The following MAN2B1 variants were observed in gnomAD, a reference collection of about 807,000 sequenced individuals.
MAN2B1 encodes lysosomal alpha-mannosidase.
MAN2B1 carries 99 observed loss-of-function variants against 127.5 expected under a neutral mutation model. That is an observed-to-expected ratio of 0.78 (90% confidence interval 0.66 to 0.92). The LOEUF (loss-of-function observed/expected upper bound fraction) is 0.92. MAN2B1 is among the 40% of genes least tolerant of loss of function. The probability of loss-of-function intolerance (pLI) is 0.00; values close to 1 mark genes in which losing one functional copy is unlikely to be tolerated. For synonymous variants in MAN2B1, 573 were observed against 568.8 expected, an observed-to-expected ratio of 1.01 and a Z score of -0.11; for missense variants, 1,304 against 1,384.8, an observed-to-expected ratio of 0.94 and a Z score of 0.93.
At position 12,665,766 on chromosome 19, in the gene MAN2B1, G is replaced by C; in HGVS notation, c.199C>G (p.Leu67Val). The C allele has an allele frequency of 6.2e-7, 1 of 1,614,144 alleles. No homozygotes were observed. The highest frequency in any genetic ancestry group is 1.6e-4 in the Middle Eastern group (1 of 6,062). The change falls in exon 2 of 24, where the codon CTG becomes GTG. Residue 67 changes from leucine to valine, a missense_variant. By Grantham distance (32) the Leu-to-Val change is conservative. Coordinates refer to ENST00000456935, the MANE Select transcript of MAN2B1 (RefSeq NM_000528.4). ...TVQPNMLNVH[L>V]LPHTHDDVGW... ...ACGTCATCATGTGTGTGAGGCAGCA[G>C]GTGCACGTTCAGCATGTTCGGCTGC...
intron 16 of MAN2B1, among the ~76,000 whole-genome samples, 200 bp from the exon 17 acceptor site, chr19:12,650,422 G>A (rs2023816581): frequency 6.8e-6 from 1 of 147,148 alleles, no homozygotes; most frequent in Admixed American, 6.9e-5. Flanking sequence ...GCAGTGGCGC[G>A]ATCTCGGCTC....
At chr19:12,653,787 C>A (rs1426565537) in intron 14 of MAN2B1, among the ~76,000 whole-genome samples, 1 of 151,544 alleles carries the variant, frequency 6.6e-6, no homozygotes, top group Non-Finnish European at 1.5e-5. Flanking sequence ...GGCATGATCT[C>A]GGCTCACTGC....
At chr19:12,661,959 C>T (rs2024117346) in intron 6 of MAN2B1, among the ~76,000 whole-genome samples, 1 of 152,110 alleles carries the variant, frequency 6.6e-6, no homozygotes, top group Admixed American at 6.5e-5. Context: ...ACTCTCTTGC[C>T]TTAGCCTCCC....
intron 12 of MAN2B1, 49 bp from the exon 13 acceptor site, chr19:12,656,736 C>A: frequency 7.3e-7 from 1 of 1,362,008 alleles, no homozygotes; most frequent in Non-Finnish European, 1.1e-6. Flanking sequence ...AGGCCTTCTC[C>A]AAACCCACCC....
chr19:12,665,815 G>A lies in MAN2B1; in HGVS notation c.160-10C>T. The A allele has an allele frequency of 6.2e-7, 1 of 1,608,112 alleles. No homozygotes were observed. The highest frequency in any genetic ancestry group is 8.5e-7 in the Non-Finnish European group (1 of 1,175,424). On this transcript the variant is annotated splice_polypyrimidine_tract_variant and intron_variant, in intron 1 of 23. Coordinates refer to ENST00000456935, the MANE Select transcript of MAN2B1 (RefSeq NM_000528.4). ...GCACTGTGGGGCATGTCTGCACAGG[G>A]ACCCCAAACACACATACCTTGTCAA...
At position 12,650,028 on chromosome 19, in the gene MAN2B1, G is replaced by A. The variant is rs775158789; in HGVS notation, c.2166-14C>T. 2.5e-6 allele frequency: 4 copies of A among 1,612,946 alleles called. No homozygotes were observed. The African/African-American group carries it at 5.3e-5, about 22-fold the overall frequency. On this transcript the variant is annotated splice_polypyrimidine_tract_variant and intron_variant, in intron 17 of 23. Transcript: ENST00000456935. ...CCCCAGGTGTCGCTGTACCCAATGG[G>A]ATGGCAAGGTTGTGAGCCTTGGATA...
chr19:12,653,425 G>A (rs970467518), intron 14 of MAN2B1, among the ~76,000 whole-genome samples: 8 of 151,880 alleles, frequency 5.3e-5, no homozygotes, highest in African/African-American at 1.7e-4. Context: ...GGGATTACAG[G>A]CATGAGCCAA....
chr19:12,650,203 A>T lies in MAN2B1; in HGVS notation c.2066T>A (p.Val689Glu). 4.3e-6 allele frequency: 7 copies of T among 1,613,076 alleles called. No individual in the cohort carries two copies. Among genetic ancestry groups the T allele is most frequent in the Non-Finnish European group, 5.9e-6 (7 of 1,179,504 alleles). The change falls in exon 17 of 24, where the codon GTG becomes GAG. Residue 689 changes from valine to glutamate, a missense_variant. Physicochemically the swap from Val to Glu is moderately radical, Grantham distance 121 (BLOSUM62 -2). Transcript: ENST00000456935. ...HLVKTPLVQE[V>E]HQNFSAWCSQ... ...ACACCAAGCTGAGAAGTTCTGGTGC[A>T]CCTCCTGCACCAAGGGTGTCTGCGG...
At position 12,656,074 on chromosome 19, in the gene MAN2B1, G is replaced by T. The variant is rs76372279; in HGVS notation, c.1645-195C>A. 3.3e-3 allele frequency: 1,864 copies of T among 569,970 alleles called. 36 individuals carry two copies. In the East Asian group the frequency reaches 0.037, roughly 11 times the overall value. 35.3% of individuals were successfully genotyped at this position (569,970 alleles called of 1,614,324 possible). ...CACCAGGTGGAAAAAAAAACCCACC[G>T]GGAGGGTGGAGAGACCATGGAGTCG... On this transcript the variant is annotated intron_variant, in intron 13 of 23. Coordinates refer to ENST00000456935, the MANE Select transcript of MAN2B1 (RefSeq NM_000528.4).
In MAN2B1 at chr19:12,656,881, A is replaced by G. The variant is rs551024305; in HGVS notation, c.1527+68T>C. 6 of 1,345,124 alleles carry G rather than the reference A, an allele frequency of 4.5e-6. No homozygotes were observed. The South Asian group carries it at 7.1e-5, about 16-fold the overall frequency. The allele number at this position is 1,345,124 out of a possible 1,614,324, so 83.3% of individuals were successfully genotyped here. A position where few individuals can be genotyped will look rare whatever the true frequency, so the allele number is the denominator to read the frequency against. The stretch of plus-strand genomic sequence containing the variant: ...AATTTCACTCCTGTATAGTCCTCCA[A>G]AAACATTTTCCAACTACCCCCTCTA... On this transcript the variant is annotated intron_variant, in intron 12 of 23. Coordinates refer to ENST00000456935, the MANE Select transcript of MAN2B1 (RefSeq NM_000528.4).
Position 12,648,227 on chromosome 19 carries a change from A to T in MAN2B1, c.2612T>A (p.Leu871Gln). ...EQEVLAPQVV[L>Q]APGGGAAYNL... ...GTAGGCGGCGCCGCCACCCGGGGCC[A>T]GCACCACCTGAGGGGCCAGGACCTC... The change falls in exon 21 of 24, where the codon CTG (leucine) becomes CAG (glutamine). Residue 871 changes from leucine to glutamine, a missense_variant. Transcript: ENST00000456935. 1 of 1,585,172 alleles carries T rather than the reference A, an allele frequency of 6.3e-7. No homozygotes were observed. The highest frequency in any genetic ancestry group is 1.7e-5 in the Admixed American group (1 of 57,492).
At position 12,648,425 on chromosome 19, in the gene MAN2B1, G is replaced by T. The variant is rs189469608; in HGVS notation, c.2437-23C>A. The T allele has an allele frequency of 8.0e-4, 1,269 of 1,585,482 alleles. 1 individual carries two copies. Among genetic ancestry groups the T allele is most frequent in the Non-Finnish European group, 1.1e-3 (1,219 of 1,156,916 alleles). ...CACCTGGGGGGAGAGTGGCCAGGAGGGGGTGAGAGTCGTGGGTTTGTGGGT... is the reference window on the plus strand; with the variant it reads ...CACCTGGGGGGAGAGTGGCCAGGAGTGGGTGAGAGTCGTGGGTTTGTGGGT... On this transcript the variant is annotated intron_variant, in intron 20 of 23. Transcript: ENST00000456935.
rs192793709 is a variant in MAN2B1 at position 12,654,897 on chromosome 19, C to T, written c.1830+797G>A. 1.2e-3 allele frequency among the ~76,000 whole-genome samples: 177 copies of T among 152,266 alleles called. 1 individual carries two copies. The highest frequency in any genetic ancestry group is 2.0e-3 in the Non-Finnish European group (134 of 68,024). On this transcript the variant is annotated intron_variant, in intron 14 of 23. Coordinates refer to ENST00000456935, the MANE Select transcript of MAN2B1 (RefSeq NM_000528.4). ...CCCAAGCTGGTCTCAAACTCCTGAG[C>T]TCAGTAGATCCACCCACCTCAGCCT...
intron 20 of MAN2B1, 122 bp from the exon 21 acceptor site, chr19:12,648,524 G>T: frequency 1.3e-6 from 1 of 752,806 alleles, no homozygotes; most frequent in Non-Finnish European, 2.2e-6. Flanking sequence ...GAACGGATGA[G>T]GATGAAGGTG....
chr19:12,652,412 T>C lies in MAN2B1; in HGVS notation c.1879A>G (p.Met627Val). 6.2e-7 allele frequency: 1 copy of C among 1,614,164 alleles called. No individual in the cohort carries two copies. Among genetic ancestry groups the C allele is most frequent in the Non-Finnish European group, 8.5e-7 (1 of 1,180,024 alleles). The stretch of plus-strand genomic sequence containing the variant: ...AGCAGGAGTTGCTGATTCATGTTCA[T>C]AATCTCCATCAACAGCCCTGTGTCA... ...DPDTGLLMEIMNMNQQLLLPV... is the reference protein window; with the variant it reads ...DPDTGLLMEIVNMNQQLLLPV... The change falls in exon 15 of 24, where the codon ATG becomes GTG. Residue 627 changes from methionine to valine, a missense_variant. Physicochemically the swap from Met to Val is conservative, Grantham distance 21 (BLOSUM62 1). Transcript: ENST00000456935.
chr19:12,652,111 TC>T, intron 16 of MAN2B1, 41 bp downstream of exon 16: 2 of 1,492,612 alleles, frequency 1.3e-6, no homozygotes, highest in Non-Finnish European at 1.9e-6. Context: ...CTCCATAACT[TC>T]CCCATTCCCA....
intron 7 of MAN2B1, among the ~76,000 whole-genome samples, chr19:12,660,132 C>T (rs141375929): frequency 6.6e-6 from 1 of 152,142 alleles, no homozygotes; most frequent in Non-Finnish European, 1.5e-5. Flanking sequence ...ATCCCCAGAA[C>T]CTATTACCAC....
At position 12,652,277 on chromosome 19, in the gene MAN2B1, T is replaced by C. The variant is rs372416386; in HGVS notation, c.1929-7A>G. 2 of 1,612,674 alleles carry C rather than the reference T, an allele frequency of 1.2e-6. No individual in the cohort carries two copies. The highest frequency in any genetic ancestry group is 1.3e-5 in the African/African-American group (1 of 74,952). On this transcript the variant is annotated splice_polypyrimidine_tract_variant and splice_region_variant and intron_variant, in intron 15 of 23. Transcript: ENST00000456935. Reference sequence around the variant, plus strand: ...ACCTATACTGGCGTTGTACCTGGAGTTGGGGCAGGTGAGAGTCAGGTAAGG... The same window carrying C: ...ACCTATACTGGCGTTGTACCTGGAGCTGGGGCAGGTGAGAGTCAGGTAAGG...
At position 12,658,149 on chromosome 19, in the gene MAN2B1, C is replaced by A. The variant is rs773727577; in HGVS notation, c.1231-8G>T. The A allele has an allele frequency of 8.1e-6, 13 of 1,613,414 alleles. No individual in the cohort carries two copies. The highest frequency in any genetic ancestry group is 5.1e-6 in the Non-Finnish European group (6 of 1,179,956). On this transcript the variant is annotated splice_region_variant and splice_polypyrimidine_tract_variant and intron_variant, in intron 9 of 23. Transcript: ENST00000456935. The stretch of plus-strand genomic sequence containing the variant: ...CTCCAGCTGGTTGCACACCTGGAGG[C>A]AGAGGGGTATGTTGGGGCGCCCAGC...
Sources: allele counts gnomAD v4.1 joint callset (sites outside exome capture counted in the v4.1 genomes callset), GRCh38; gene constraint gnomAD v4.1.1; transcripts MANE v1.5; gene names NCBI Gene and HGNC (gene_info 2026-07-23, HGNC 2026-07-21).